DMXL1: variants seen among roughly 807,000 people sequenced by gnomAD.
DMXL1 encodes Dmx like 1.
In DMXL1, 99 loss-of-function variants were observed where a neutral mutation model predicts 319.2. The ratio of observed to expected loss-of-function variants is 0.31; its 90% CI spans 0.26 to 0.37. The LOEUF (loss-of-function observed/expected upper bound fraction) is 0.37. Among genes scored for constraint, DMXL1 ranks in the 10% least tolerant of loss-of-function variants. The pLI is 1.00. For synonymous variants in DMXL1, 1,385 were observed against 1,235.2 expected (o/e 1.12, Z -2.54); for missense variants, 3,745 against 3,595.6 (o/e 1.04, Z -1.06).
chr5:119,145,903 TG>T (rs1377871739), intron 15 of DMXL1, among the ~76,000 whole-genome samples: 1 of 151,788 alleles, frequency 6.6e-6, no homozygotes, highest in East Asian at 1.9e-4. Context: ...GAGCATTTTT[TG>T]TTGTTAGTGA....
intron 1 of DMXL1, among the ~76,000 whole-genome samples, chr5:119,082,020 TACACACACACACACAC>T (rs565047535): frequency 3.4e-4 from 37 of 108,164 alleles, no homozygotes; most frequent in Non-Finnish European, 5.2e-4. Flanking sequence ...TATATATATA[TACACACACACACACAC>T]ACACACACAC....
intron 13 of DMXL1, among the ~76,000 whole-genome samples, chr5:119,139,533 C>T (rs1411052650): frequency 6.6e-6 from 1 of 152,146 alleles, no homozygotes; most frequent in African/African-American, 2.4e-5. Context: ...CAAAGAAGGG[C>T]ATTACACAAT....
chr5:119,220,433 C>G lies in DMXL1; in HGVS notation c.8014-39C>G, dbSNP rs747623625. On this transcript the variant is annotated intron_variant, in intron 35 of 43. Coordinates refer to ENST00000539542, the MANE Select transcript of DMXL1 (RefSeq NM_001290321.3). The stretch of plus-strand genomic sequence containing the variant: ...AGCAGCTCATATACTATCTCTTTTG[C>G]CTATTGCTTTTAAAATTACCATTTG... The G allele has an allele frequency of 3.7e-6, 6 of 1,601,336 alleles. No homozygotes were observed. The African/African-American group carries it at 8.0e-5, about 21-fold the overall frequency.
intron 10 of DMXL1, among the ~76,000 whole-genome samples, chr5:119,132,462 C>T (rs1034774397): frequency 3.9e-4 from 60 of 152,132 alleles, no homozygotes; most frequent in African/African-American, 1.4e-3. Flanking sequence ...AGGTGGATCA[C>T]GAGGTCAGGA....
intron 42 of DMXL1, among the ~76,000 whole-genome samples, chr5:119,242,067 G>A (rs574675349): frequency 6.6e-5 from 10 of 152,242 alleles, no homozygotes; most frequent in Non-Finnish European, 7.4e-5. Context: ...TGTAATTTGT[G>A]TATATTTTAT....
rs1346421227 is a variant in DMXL1 at position 119,216,932 on chromosome 5, A to G, written c.7958A>G (p.Lys2653Arg). 1 of 1,601,814 alleles carries G rather than the reference A, an allele frequency of 6.2e-7. No homozygotes were observed. Among genetic ancestry groups the G allele is most frequent in the Non-Finnish European group, 8.5e-7 (1 of 1,174,682 alleles). ...IEADLGYPGG[K>R]ARIIHKESDI... ...GCAGATTTGGGATATCCTGGAGGTA[A>G]AGCAAGAATTATTCATAAGGAATCT... The change falls in exon 35 of 44, where the codon AAA (lysine) becomes AGA (arginine). Residue 2653 changes from lysine (K) to arginine (R), a missense_variant. By Grantham distance (26) the Lys-to-Arg change is conservative (BLOSUM62 2). Transcript: ENST00000539542.
intron 28 of DMXL1, among the ~76,000 whole-genome samples, chr5:119,184,108 C>T (rs1314725294): frequency 6.6e-6 from 1 of 151,132 alleles, no homozygotes; most frequent in Non-Finnish European, 1.5e-5. Context: ...GGCTGGAATG[C>T]AGTGGTGTGA....
chr5:119,184,868 A>G (rs893923863), intron 28 of DMXL1, among the ~76,000 whole-genome samples: 10 of 152,072 alleles, frequency 6.6e-5, no homozygotes, highest in African/African-American at 2.4e-4. Flanking sequence ...CATTTTCAAT[A>G]AGTTTGTTGA....
At chr5:119,106,375 A>G (rs1218607569) in intron 4 of DMXL1, among the ~76,000 whole-genome samples, 1 of 152,222 alleles carries the variant, frequency 6.6e-6, no homozygotes, top group African/African-American at 2.4e-5. Context: ...GCAAAGTCAT[A>G]TTACATGGAG....
intron 28 of DMXL1, among the ~76,000 whole-genome samples, chr5:119,182,840 A>G (rs1438229070): frequency 2.0e-5 from 3 of 152,146 alleles, no homozygotes; most frequent in Non-Finnish European, 2.9e-5. Flanking sequence ...GTTATGGTCA[A>G]TTTTAAAGAA....
rs747385978 is a variant in DMXL1 at position 119,206,862 on chromosome 5, A to G, written c.7892A>G (p.Lys2631Arg). The change falls in exon 34 of 44, where the codon AAA (lysine) becomes AGA (arginine). Residue 2631 changes from lysine to arginine, a missense_variant. Coordinates refer to ENST00000539542, the MANE Select transcript of DMXL1 (RefSeq NM_001290321.3). Reference sequence around the variant, plus strand: ...TTAGAGGACAACAGTGAAACCATCAAAAATTCTATGATGGAGGAGCCAAAC... The same window carrying G: ...TTAGAGGACAACAGTGAAACCATCAGAAATTCTATGATGGAGGAGCCAAAC... ...ESLEDNSETI[K>R]NSMMEEPNIN... is the part of the protein sequence containing the mutation. 24 of 1,529,930 alleles carry G rather than the reference A, an allele frequency of 1.6e-5. No individual in the cohort carries two copies. Among genetic ancestry groups the G allele is most frequent in the Middle Eastern group, 3.4e-4 (2 of 5,804 alleles). 94.8% of individuals were successfully genotyped at this position (1,529,930 alleles called of 1,614,324 possible).
In DMXL1 at chr5:119,164,436, A is replaced by G. The variant is rs937516974; in HGVS notation, c.4703-71A>G. The G allele has an allele frequency of 2.2e-6, 3 of 1,334,994 alleles. No individual in the cohort carries two copies. The African/African-American group carries it at 4.4e-5, about 20-fold the overall frequency. 82.7% of individuals were successfully genotyped at this position (1,334,994 alleles called of 1,614,324 possible). ...TTACACATTTATATTGAAAATATGG[A>G]ACATACATTTCTGATAATCATATAA... On this transcript the variant is annotated intron_variant, in intron 19 of 43. Coordinates refer to ENST00000539542, the MANE Select transcript of DMXL1 (RefSeq NM_001290321.3).
intron 8 of DMXL1, among the ~76,000 whole-genome samples, chr5:119,119,246 A>G (rs1761500857): frequency 2.6e-5 from 4 of 152,198 alleles, no homozygotes; most frequent in Admixed American, 2.6e-4. Context: ...ATTACATTTG[A>G]CTTGGCTGAA....
intron 1 of DMXL1, among the ~76,000 whole-genome samples, chr5:119,095,358 CTAAG>C (rs1461186140): frequency 6.6e-6 from 1 of 152,140 alleles, no homozygotes. Context: ...CTGTATAGTA[CTAAG>C]TGTTTATTTC....
intron 1 of DMXL1, among the ~76,000 whole-genome samples, chr5:119,076,522 CA>C (rs2149668493): frequency 6.6e-6 from 1 of 152,136 alleles, no homozygotes; most frequent in South Asian, 2.1e-4. Flanking sequence ...TAAAATATTG[CA>C]AGTACTAAAG....
chr5:119,081,871 C>G (rs565463738), intron 1 of DMXL1, among the ~76,000 whole-genome samples: 1 of 151,912 alleles, frequency 6.6e-6, no homozygotes, highest in African/African-American at 2.4e-5. Flanking sequence ...TGGGGTCCTG[C>G]TATCTAAAAA....
rs759777768 is a variant in DMXL1, at chr5:119,171,926, T to C, written c.6638T>C (p.Ile2213Thr). The C allele has an allele frequency of 6.2e-7, 1 of 1,613,704 alleles. No individual in the cohort carries two copies. The highest frequency in any genetic ancestry group is 8.5e-7 in the Non-Finnish European group (1 of 1,179,784). ...NLTHDILHAI[I>T]NFDSPPHPDI... is the part of the protein sequence containing the mutation. ...ACACATGATATTCTCCATGCCATAATAAACTTTGATTCACCACCCCACCCT... is the reference window on the plus strand; with the variant it reads ...ACACATGATATTCTCCATGCCATAACAAACTTTGATTCACCACCCCACCCT... Residue 2213 changes from isoleucine to threonine, a missense_variant, in exon 25 of 44, where the codon ATA becomes ACA. Transcript: ENST00000539542.
Position 119,197,919 on chromosome 5 carries a change from C to T in DMXL1, c.7708C>T (p.His2570Tyr). 1 of 1,614,164 alleles carries T rather than the reference C, an allele frequency of 6.2e-7. No homozygotes were observed. The change falls in exon 32 of 44, where the codon CAC (histidine) becomes TAC (tyrosine). Residue 2570 changes from histidine (H) to tyrosine (Y), a missense_variant. Physicochemically the swap from His to Tyr is moderately conservative, Grantham distance 83. Around this residue, in one of 4 missense-constraint regions of DMXL1, gnomAD observed 1,382 missense variants for 1,269.5 expected, o/e 1.09. Coordinates refer to ENST00000539542, the MANE Select transcript of DMXL1 (RefSeq NM_001290321.3). The part of the protein sequence containing the change: ...SLSAGPAILR[H>Y]KALLEPTNTP... Reference sequence around the variant, plus strand: ...GTCTGCAGGTCCTGCAATTCTTCGCCACAAAGCTTTACTGGAACCTACAAA... The same window carrying T: ...GTCTGCAGGTCCTGCAATTCTTCGCTACAAAGCTTTACTGGAACCTACAAA...
At chr5:119,076,322 T>G (rs933214046) in intron 1 of DMXL1, among the ~76,000 whole-genome samples, 4 of 152,204 alleles carry the variant, frequency 2.6e-5, no homozygotes, top group Non-Finnish European at 5.9e-5. Flanking sequence ...TCCTTGAGTT[T>G]AGCTCTGTTT....
Sources: allele counts gnomAD v4.1 joint callset (sites outside exome capture counted in the v4.1 genomes callset), GRCh38; gene constraint gnomAD v4.1.1; regional missense constraint gnomAD v4.1.1; transcripts MANE v1.5; gene names NCBI Gene and HGNC (gene_info 2026-07-23, HGNC 2026-07-21).